The following NDFIP2 variants were observed in gnomAD, a reference collection of about 807,000 sequenced individuals.
NDFIP2 encodes the protein Nedd4 family interacting protein 2, also known as NEDD4 family-interacting protein 2.
A neutral mutation model predicts 36.0 loss-of-function variants in NDFIP2; 19 were observed. The observed-to-expected ratio is 0.53, with a 90% CI of 0.37 to 0.77. The LOEUF (loss-of-function observed/expected upper bound fraction) is 0.77. Among genes scored for constraint, NDFIP2 ranks in the 30% least tolerant of loss-of-function variants. The pLI, the probability that NDFIP2 is intolerant of heterozygous loss-of-function variation, is 0.00. For missense variants in NDFIP2, 446 were observed against 435.8 expected (o/e 1.02, Z -0.21); for synonymous variants, 181 against 167.7 (o/e 1.08, Z -0.61).
chr13:79,551,653 C>T (rs1433556395), intron 7 of NDFIP2, among the ~76,000 whole-genome samples: 5 of 151,380 alleles, frequency 3.3e-5, no homozygotes, highest in Non-Finnish European at 5.9e-5. Context: ...TTAATGTGTG[C>T]TGATTTTTTA....
At chr13:79,487,981 C>G (rs116755977) in intron 1 of NDFIP2, among the ~76,000 whole-genome samples, 45 of 152,246 alleles carry the variant, frequency 3.0e-4, no homozygotes, top group African/African-American at 9.9e-4. Context: ...CCTCTGTCAT[C>G]AGCATCAAGG....
intron 1 of NDFIP2, among the ~76,000 whole-genome samples, chr13:79,501,548 CAG>C (rs1464683154): frequency 6.6e-6 from 1 of 152,006 alleles, no homozygotes; most frequent in Admixed American, 6.6e-5. Flanking sequence ...GAGAGGGAAA[CAG>C]AAAGAGTGAG....
At chr13:79,534,878 C>T (rs568923563) in intron 3 of NDFIP2, among the ~76,000 whole-genome samples, 2 of 152,230 alleles carry the variant, frequency 1.3e-5, no homozygotes, top group East Asian at 1.9e-4. Context: ...TATGCCTGCT[C>T]CTACTACCCT....
intron 1 of NDFIP2, among the ~76,000 whole-genome samples, chr13:79,518,243 G>A (rs1340508459): frequency 1.3e-5 from 2 of 152,110 alleles, no homozygotes; most frequent in Non-Finnish European, 2.9e-5. Context: ...AACTTCATTA[G>A]GCTCATAATC....
intron 1 of NDFIP2, among the ~76,000 whole-genome samples, chr13:79,491,110 C>T (rs1036576073): frequency 1.3e-5 from 2 of 152,090 alleles, no homozygotes; most frequent in Non-Finnish European, 2.9e-5. Context: ...TTATTTATTT[C>T]CTACCTCCCT....
chr13:79,496,337 A>C (rs1873432131), intron 1 of NDFIP2, among the ~76,000 whole-genome samples: 1 of 151,888 alleles, frequency 6.6e-6, no homozygotes, highest in African/African-American at 2.4e-5. Context: ...CTCTTGGCTG[A>C]GTATTTGTCT....
At chr13:79,522,076 C>A (rs1261584483) in intron 2 of NDFIP2, among the ~76,000 whole-genome samples, 1 of 152,156 alleles carries the variant, frequency 6.6e-6, no homozygotes, top group Non-Finnish European at 1.5e-5. Context: ...GATCCACCTG[C>A]CTCAGCCTCC....
intron 2 of NDFIP2, among the ~76,000 whole-genome samples, chr13:79,531,563 A>G (rs889463114): frequency 6.6e-6 from 1 of 152,222 alleles, no homozygotes; most frequent in Non-Finnish European, 1.5e-5. Context: ...GATCTTCTGC[A>G]TAATTTGCTG....
intron 1 of NDFIP2, among the ~76,000 whole-genome samples, chr13:79,487,785 G>C (rs150216934): frequency 3.2e-4 from 48 of 152,100 alleles, no homozygotes; most frequent in African/African-American, 1.1e-3. Flanking sequence ...TAGCATACAA[G>C]TTTTTTTGAA....
intron 6 of NDFIP2, 61 bp downstream of exon 6, chr13:79,548,455 A>G (rs1052646209): frequency 8.0e-7 from 1 of 1,255,012 alleles, no homozygotes. Flanking sequence ...GTAAGATGTA[A>G]ATAAACTGTG....
At chr13:79,536,730 A>C (rs1479309598) in intron 3 of NDFIP2, among the ~76,000 whole-genome samples, 1 of 152,150 alleles carries the variant, frequency 6.6e-6, no homozygotes, top group Non-Finnish European at 1.5e-5. Context: ...AATATTATAA[A>C]AGACATCTTT....
chr13:79,498,072 A>G (rs962184094), intron 1 of NDFIP2, among the ~76,000 whole-genome samples: 5 of 151,844 alleles, frequency 3.3e-5, no homozygotes, highest in African/African-American at 1.2e-4. Flanking sequence ...AGCATTACAA[A>G]TACTCATAAA....
intron 1 of NDFIP2, among the ~76,000 whole-genome samples, chr13:79,514,550 A>T (rs755572696): frequency 2.6e-5 from 4 of 152,330 alleles, no homozygotes; most frequent in African/African-American, 9.6e-5. Context: ...TCTAATCTAC[A>T]TTTGGGAGAC....
chr13:79,483,997 C>T (rs778749376), intron 1 of NDFIP2, among the ~76,000 whole-genome samples: 1 of 151,956 alleles, frequency 6.6e-6, no homozygotes, highest in Admixed American at 6.6e-5. Context: ...CTTTGATGTT[C>T]GTTATTTTAT....
At chr13:79,495,378 CTT>C (rs1365306791) in intron 1 of NDFIP2, among the ~76,000 whole-genome samples, 1 of 152,004 alleles carries the variant, frequency 6.6e-6, no homozygotes, top group East Asian at 1.9e-4. Context: ...ATTCTGCTCT[CTT>C]ATGAAATGTC....
chr13:79,514,043 C>G (rs1475023982), intron 1 of NDFIP2, among the ~76,000 whole-genome samples: 1 of 152,074 alleles, frequency 6.6e-6, no homozygotes, highest in Non-Finnish European at 1.5e-5. Flanking sequence ...GGAATTTGAC[C>G]AGAGTTGTGA....
chr13:79,555,273 A>C lies in NDFIP2; in HGVS notation c.*2760A>C, dbSNP rs2137125234. On this transcript the variant is annotated 3_prime_UTR_variant, in exon 8 of 8. Coordinates refer to ENST00000218652, the MANE Select transcript of NDFIP2 (RefSeq NM_019080.3). ...TATGTACTATTTCAAGAAGTGCAAA[A>C]AGTAATGATAGTGAATGTGATACCA... is the stretch of plus-strand genomic sequence containing the variant. The C allele has an allele frequency of 6.7e-6, 1 of 149,406 alleles. No homozygotes were observed. Among genetic ancestry groups the C allele is most frequent in the African/African-American group, 2.5e-5 (1 of 40,534 alleles). The allele number at this position is 149,406 out of a possible 1,614,324, so 9.3% of individuals were successfully genotyped here.
chr13:79,495,056 A>G (rs960060593), intron 1 of NDFIP2, among the ~76,000 whole-genome samples: 18 of 151,766 alleles, frequency 1.2e-4, no homozygotes, highest in Non-Finnish European at 2.5e-4. Context: ...TTGTGTGTCT[A>G]ATTTCTACTT....
At chr13:79,511,781 T>A (rs1343476789) in intron 1 of NDFIP2, among the ~76,000 whole-genome samples, 1 of 152,174 alleles carries the variant, frequency 6.6e-6, no homozygotes, top group Non-Finnish European at 1.5e-5. Flanking sequence ...AAGCTTATGA[T>A]CTGATTGGGA....
Sources: gnomAD v4.1 joint callset for allele counts (sites outside exome capture counted in the v4.1 genomes callset) on GRCh38, gnomAD v4.1.1 for gene constraint, MANE v1.5 for transcripts, NCBI Gene and HGNC (gene_info 2026-07-23, HGNC 2026-07-21) for gene names.